MRPS6: variants seen among roughly 807,000 people sequenced by gnomAD.
MRPS6 encodes the protein small ribosomal subunit protein bS6m.
A neutral mutation model predicts 13.1 loss-of-function variants in MRPS6; 6 were observed. The ratio of observed to expected loss-of-function variants is 0.46; its 90% CI spans 0.25 to 0.91. The LOEUF is 0.91. Among genes scored for constraint, MRPS6 ranks in the 40% least tolerant of loss-of-function variants. The probability of loss-of-function intolerance (pLI) is 0.18; values close to 1 mark genes in which losing one functional copy is unlikely to be tolerated. For synonymous variants in MRPS6, 61 were observed against 56.5 expected (o/e 1.08, Z -0.36); for missense variants, 164 against 155.6 (o/e 1.05, Z -0.29).
chr21:34,110,875 C>G (rs985112599), intron 1 of MRPS6, among the ~76,000 whole-genome samples: 5 of 152,166 alleles, frequency 3.3e-5, no homozygotes, highest in African/African-American at 9.7e-5. Flanking sequence ...CTGCATTGTG[C>G]TAGATAAGCT....
intron 1 of MRPS6, chr21:34,101,302 G>A (rs1248778957): frequency 3.0e-6 from 3 of 1,000,160 alleles, no homozygotes; most frequent in Non-Finnish European, 3.6e-6. Context: ...ATAAATCAGG[G>A]CACCAATAAA....
intron 2 of MRPS6, among the ~76,000 whole-genome samples, chr21:34,141,186 T>C (rs1251482094): frequency 6.6e-6 from 1 of 152,196 alleles, no homozygotes; most frequent in Non-Finnish European, 1.5e-5. Flanking sequence ...TTCGTCTCTA[T>C]TCGGAGTGCT....
chr21:34,104,393 G>A (rs1242147482), intron 1 of MRPS6: 2 of 1,000,036 alleles, frequency 2.0e-6, no homozygotes. Flanking sequence ...CGAGTAGCTT[G>A]TTTATCAAGA....
chr21:34,084,127 A>ACTT (rs78035094), intron 1 of MRPS6, among the ~76,000 whole-genome samples: 19,257 of 152,116 alleles, frequency 0.13, 1,593 homozygotes, highest in Non-Finnish European at 0.18. Flanking sequence ...CTTACTTCTT[A>ACTT]CTTCTTGAGT....
intron 1 of MRPS6, among the ~76,000 whole-genome samples, chr21:34,076,716 C>T (rs911301776): frequency 2.0e-5 from 3 of 152,038 alleles, no homozygotes; most frequent in African/African-American, 4.8e-5. Flanking sequence ...TGAAATATGA[C>T]GGTAAAGTAA....
chr21:34,126,952 G>T (rs970312726), intron 2 of MRPS6, among the ~76,000 whole-genome samples: 4 of 152,140 alleles, frequency 2.6e-5, no homozygotes, highest in Non-Finnish European at 5.9e-5. Flanking sequence ...GTGTGCAGTG[G>T]TGGGGGTTGG....
chr21:34,113,437 T>C (rs1232219393), intron 1 of MRPS6, among the ~76,000 whole-genome samples: 1 of 152,122 alleles, frequency 6.6e-6, no homozygotes, highest in African/African-American at 2.4e-5. Flanking sequence ...CTAGAGGACA[T>C]TATGTGAAGT....
chr21:34,108,032 A>G (rs9985040), intron 1 of MRPS6, among the ~76,000 whole-genome samples: 3,274 of 152,316 alleles, frequency 0.021, 125 homozygotes, highest in African/African-American at 0.073. Flanking sequence ...TGGACGACGT[A>G]TATGATGGTG....
At position 34,096,391 on chromosome 21, in the gene MRPS6, T is replaced by C. The variant is rs200641030; in HGVS notation, c.45+22646T>C. On this transcript the variant is annotated intron_variant, in intron 1 of 2. Coordinates refer to ENST00000399312, the MANE Select transcript of MRPS6 (RefSeq NM_032476.4). This position sits in a 1 kb window ranked among gnomAD's most constrained non-coding sequence, Gnocchi z 5.9. ...TTCACCCTCGATGTGTACAAACTTA[T>C]CCGCAAGAGCGCAAGCTCCCGGGAG... 6.8e-6 allele frequency: 11 copies of C among 1,614,082 alleles called. No individual in the cohort carries two copies. Among genetic ancestry groups the C allele is most frequent in the East Asian group, 4.5e-5 (2 of 44,886 alleles).
intron 1 of MRPS6, among the ~76,000 whole-genome samples, chr21:34,077,964 C>T (rs886964903): frequency 1.3e-4 from 20 of 152,178 alleles, no homozygotes; most frequent in African/African-American, 4.6e-4. Flanking sequence ...TATGAAGTGC[C>T]TGTATTTTAG....
chr21:34,073,710 T>G lies in MRPS6; in HGVS notation c.10T>G (p.Tyr4Asp). 2.6e-6 allele frequency: 4 copies of G among 1,524,552 alleles called. No homozygotes were observed. The highest frequency in any genetic ancestry group is 2.7e-6 in the Non-Finnish European group (3 of 1,129,002). The allele number at this position is 1,524,552 out of a possible 1,614,324, so 94.4% of individuals were successfully genotyped here. A position where few individuals can be genotyped will look rare whatever the true frequency, so the allele number is the denominator to read the frequency against. The change falls in exon 1 of 3, where the codon TAC becomes GAC. Residue 4 changes from tyrosine (Y) to aspartate (D), a missense_variant. Tyr to Asp is a radical substitution (Grantham distance 160). Coordinates refer to ENST00000399312, the MANE Select transcript of MRPS6 (RefSeq NM_032476.4). The stretch of plus-strand genomic sequence containing the variant: ...CGCCGATCCTCCAGGCATGCCCCGC[T>G]ACGAGCTGGCTTTAATCCTGAAAGC... MPR[Y>D]ELALILKAMQ...
rs1166627925 is a variant in MRPS6, at chr21:34,093,948, A to G, written c.45+20203A>G. ...ATAAATCATTTTTTAGTCTTCTGAA[A>G]ACTTTTCTCCTCCTCCCTCTTTTCT... On this transcript the variant is annotated intron_variant, in intron 1 of 2. Coordinates refer to ENST00000399312, the MANE Select transcript of MRPS6 (RefSeq NM_032476.4). 2.6e-5 allele frequency among the ~76,000 whole-genome samples: 4 copies of G among 152,162 alleles called. No individual in the cohort carries two copies. The South Asian group carries it at 8.3e-4, about 32-fold the overall frequency.
At chr21:34,109,483 C>G (rs2148664268) in intron 1 of MRPS6, among the ~76,000 whole-genome samples, 1 of 152,332 alleles carries the variant, frequency 6.6e-6, no homozygotes, top group Non-Finnish European at 1.5e-5. Context: ...GGGGCCCCAT[C>G]ATTCACAGCC....
chr21:34,125,093 T>TG, intron 1 of MRPS6: 2 of 455,456 alleles, frequency 4.4e-6, no homozygotes, highest in Non-Finnish European at 7.2e-6. Flanking sequence ...GGAGCTGCCC[T>TG]GGTCCCTGAA....
At chr21:34,090,652 A>G (rs1978638584) in intron 1 of MRPS6, among the ~76,000 whole-genome samples, 1 of 152,228 alleles carries the variant, frequency 6.6e-6, no homozygotes. Context: ...TGTAGGGAGT[A>G]AACTGACATT....
intron 2 of MRPS6, among the ~76,000 whole-genome samples, chr21:34,140,026 T>G (rs1367984501): frequency 6.6e-6 from 1 of 152,198 alleles, no homozygotes; most frequent in Non-Finnish European, 1.5e-5. Flanking sequence ...CTCTTTTTAC[T>G]CAACAGTCTG....
In MRPS6 at chr21:34,142,590, G is replaced by A; in HGVS notation, c.368G>A (p.Arg123Lys). The stretch of plus-strand genomic sequence containing the variant: ...GAAAAATTATATTCCACAAAGAAGA[G>A]GAAGAAGTGAGAAGATTCGCCAGAT... ...LAEKLYSTKK[R>K]KK The change falls in exon 3 of 3, where the codon AGG becomes AAG. Residue 123 changes from arginine (R) to lysine (K), a missense_variant. By Grantham distance (26) the Arg-to-Lys change is conservative. Transcript: ENST00000399312. The A allele has an allele frequency of 6.2e-7, 1 of 1,600,154 alleles. No homozygotes were observed. Among genetic ancestry groups the A allele is most frequent in the Non-Finnish European group, 8.5e-7 (1 of 1,175,134 alleles).
chr21:34,112,366 G>A (rs957590682), intron 1 of MRPS6, among the ~76,000 whole-genome samples: 4 of 152,252 alleles, frequency 2.6e-5, no homozygotes, highest in African/African-American at 7.2e-5. Context: ...TGTGGAATGC[G>A]AGCGATACCT....
intron 1 of MRPS6, among the ~76,000 whole-genome samples, chr21:34,116,415 G>A (rs181946361): frequency 4.5e-4 from 68 of 151,404 alleles, no homozygotes; most frequent in Admixed American, 4.2e-3. Flanking sequence ...TGAAATCTTG[G>A]TGGATTTTTA....
Sources: allele counts gnomAD v4.1 joint callset (sites outside exome capture counted in the v4.1 genomes callset), GRCh38; gene constraint gnomAD v4.1.1; non-coding constraint Gnocchi (gnomAD v3.1); transcripts MANE v1.5; gene names NCBI Gene and HGNC (gene_info 2026-07-23, HGNC 2026-07-21).